Variants in DEUP1 observed in about 807,000 individuals in gnomAD.
The protein encoded by DEUP1 is deuterosome assembly protein 1.
DEUP1 carries 82 observed loss-of-function variants against 87.4 expected under a neutral mutation model. That is an observed-to-expected ratio of 0.94 (90% CI 0.78 to 1.13). The LOEUF (loss-of-function observed/expected upper bound fraction) is 1.13, where lower values mean the gene tolerates loss of function less well. Ranked by LOEUF, DEUP1 falls within the 50% of genes most tolerant of loss-of-function variation. The pLI, the probability that DEUP1 is intolerant of heterozygous loss-of-function variation, is 0.00. For missense variants in DEUP1, 663 were observed against 681.5 expected, an observed-to-expected ratio of 0.97 and a Z score of 0.30; for synonymous variants, 214 against 222.7, an observed-to-expected ratio of 0.96 and a Z score of 0.35.
intron 7 of DEUP1, among the ~76,000 whole-genome samples, chr11:93,374,780 T>A (rs1945947718): frequency 6.6e-6 from 1 of 152,104 alleles, no homozygotes; most frequent in African/African-American, 2.4e-5. Context: ...TGGTTCCATA[T>A]GAATTCTAAG....
At chr11:93,352,865 C>T (rs944107754) in intron 2 of DEUP1, among the ~76,000 whole-genome samples, 4 of 152,166 alleles carry the variant, frequency 2.6e-5, no homozygotes, top group Admixed American at 2.6e-4. Context: ...GTCTCTTCCA[C>T]AACACATGGG....
rs776866620 is a variant in DEUP1, at chr11:93,394,546, C to T, written c.1129C>T (p.Leu377Phe). ...TGAAATCTCTGACCTAACAGAAGAG[C>T]TTCATCAGAAGGAGATCACTATAGC... Reference protein sequence around the residue: ...RNEISDLTEELHQKEITIATV... With the variant: ...RNEISDLTEEFHQKEITIATV... The change falls in exon 10 of 14, where the codon CTT (leucine) becomes TTT (phenylalanine). Residue 377 changes from leucine (L) to phenylalanine (F), a missense_variant. By Grantham distance (22) the Leu-to-Phe change is conservative. Transcript: ENST00000298050. 15 of 1,612,310 alleles carry T rather than the reference C, an allele frequency of 9.3e-6. No individual in the cohort carries two copies. The South Asian group carries it at 1.7e-4, about 18-fold the overall frequency.
At chr11:93,401,407 G>T (rs1256461504) in intron 11 of DEUP1, among the ~76,000 whole-genome samples, 1 of 151,860 alleles carries the variant, frequency 6.6e-6, no homozygotes, top group African/African-American at 2.4e-5. Context: ...CTATCAAAAT[G>T]CCAATGACAT....
chr11:93,372,806 G>T (rs1266553667), intron 7 of DEUP1, among the ~76,000 whole-genome samples: 1 of 152,172 alleles, frequency 6.6e-6, no homozygotes, highest in Non-Finnish European at 1.5e-5. Context: ...AAATAGTCTG[G>T]AAATAGCAAA....
chr11:93,419,438 G>T (rs1324414794), intron 13 of DEUP1, among the ~76,000 whole-genome samples: 1 of 152,128 alleles, frequency 6.6e-6, no homozygotes, highest in East Asian at 1.9e-4. Context: ...AAACCAGGAG[G>T]CAGTCATGGG....
chr11:93,412,239 T>C (rs995413090), intron 12 of DEUP1, among the ~76,000 whole-genome samples: 3 of 152,192 alleles, frequency 2.0e-5, no homozygotes, highest in African/African-American at 7.2e-5. Flanking sequence ...CAGAGTTCTG[T>C]TCCCCAGCAA....
intron 2 of DEUP1, among the ~76,000 whole-genome samples, chr11:93,335,102 G>C (rs1180043409): frequency 6.6e-6 from 1 of 152,182 alleles, no homozygotes; most frequent in African/African-American, 2.4e-5. Context: ...CATAGGGTTA[G>C]TGTTCTCACC....
chr11:93,332,076 G>A (rs1012925693), intron 1 of DEUP1, 140 bp from the exon 2 acceptor site: 2 of 503,298 alleles, frequency 4.0e-6, no homozygotes, highest in Non-Finnish European at 7.1e-6. Flanking sequence ...GAAAACTCAG[G>A]TTTCTATATT....
rs780532701 is a variant in DEUP1 at position 93,371,114 on chromosome 11, G to A, written c.623G>A (p.Arg208His). The A allele has an allele frequency of 3.5e-5, 57 of 1,612,654 alleles. No homozygotes were observed. Among genetic ancestry groups the A allele is most frequent in the East Asian group, 3.3e-4 (15 of 44,828 alleles). Residue 208 changes from arginine (R) to histidine (H), a missense_variant, in exon 7 of 14, where the codon CGT becomes CAT. Transcript: ENST00000298050. ...GAAGACAGCAGCTCTGAAATTCCTC[G>A]TTTGATATGTGACCCAGATCCCAAT... ...CLEDSSSEIPRLICDPDPNCE... is the reference protein window; with the variant it reads ...CLEDSSSEIPHLICDPDPNCE...
chr11:93,415,296 A>G lies in DEUP1; in HGVS notation c.1638+182A>G, dbSNP rs2134447630. On this transcript the variant is annotated intron_variant, in intron 13 of 13. Coordinates refer to ENST00000298050, the MANE Select transcript of DEUP1 (RefSeq NM_181645.4). ...CTATCTACAGAAGGAAAAGATATCC[A>G]TAATATTTCCTAAAGTGTTTCAGTC... is the stretch of plus-strand genomic sequence containing the variant. 2 of 356,106 alleles carry G rather than the reference A, an allele frequency of 5.6e-6. 1 individual carries two copies. Among genetic ancestry groups the G allele is most frequent in the Middle Eastern group, 1.5e-3 (2 of 1,304 alleles). 22.1% of individuals were successfully genotyped at this position (356,106 alleles called of 1,614,324 possible).
At chr11:93,408,702 A>C (rs572807129) in intron 12 of DEUP1, among the ~76,000 whole-genome samples, 13 of 152,338 alleles carry the variant, frequency 8.5e-5, no homozygotes, top group Middle Eastern at 3.4e-3. Context: ...CATACAGATA[A>C]GTAATTTTAC....
At chr11:93,338,917 C>T (rs574284361) in intron 2 of DEUP1, among the ~76,000 whole-genome samples, 1 of 152,218 alleles carries the variant, frequency 6.6e-6, no homozygotes, top group South Asian at 2.1e-4. Flanking sequence ...TTCATAGATA[C>T]ACTTGGGGTA....
chr11:93,373,625 GTATATATATA>G (rs1555048258), intron 7 of DEUP1, among the ~76,000 whole-genome samples: 1 of 67,002 alleles, frequency 1.5e-5, no homozygotes, highest in Non-Finnish European at 3.5e-5. Flanking sequence ...ATATATATAC[GTATATATATA>G]TATATATATA....
At chr11:93,428,637 A>C (rs572673854) in intron 13 of DEUP1, among the ~76,000 whole-genome samples, 10 of 151,844 alleles carry the variant, frequency 6.6e-5, no homozygotes, top group African/African-American at 2.2e-4. Flanking sequence ...AAACCATCAC[A>C]TGTTTTAAGT....
rs1947567539 is a variant in DEUP1, at chr11:93,415,096, T to C, written c.1620T>C (p.Asp540=). The C allele has an allele frequency of 6.2e-7, 1 of 1,610,064 alleles. No individual in the cohort carries two copies. Among genetic ancestry groups the C allele is most frequent in the African/African-American group, 1.3e-5 (1 of 74,842 alleles). Residue 540 remains aspartate (D), a synonymous_variant, in exon 13 of 14, where the codon GAT becomes GAC. Transcript: ENST00000298050. ...AAATGACAAGTCCTTTGGTTAGTGA[T>C]GATGATGTATTCCCACTGGTGAGTT... is the stretch of plus-strand genomic sequence containing the variant. The part of the protein sequence containing the change: ...AKEMTSPLVS[D]DDVFPLSPPD...
Position 93,436,397 on chromosome 11 carries a change from C to A in DEUP1, c.1639-1146C>A, listed in dbSNP as rs115068571. Among the ~76,000 whole-genome samples, 666 of 152,270 alleles carry A rather than the reference C, an allele frequency of 4.4e-3. 3 individuals carry two copies. Among genetic ancestry groups the A allele is most frequent in the African/African-American group, 0.015 (631 of 41,552 alleles). On this transcript the variant is annotated intron_variant, in intron 13 of 13. Transcript: ENST00000298050. The stretch of plus-strand genomic sequence containing the variant: ...CAAAACCATGGATATATATTGTTGG[C>A]CACCACATGTGAATGCTAACTGCTT...
chr11:93,369,221 C>G (rs935600562), intron 5 of DEUP1, among the ~76,000 whole-genome samples: 1 of 152,146 alleles, frequency 6.6e-6, no homozygotes, highest in Non-Finnish European at 1.5e-5. Flanking sequence ...GAGAGCTTCA[C>G]TCTCATGACT....
At chr11:93,384,217 A>C (rs1946430747) in intron 7 of DEUP1, among the ~76,000 whole-genome samples, 1 of 152,114 alleles carries the variant, frequency 6.6e-6, no homozygotes, top group Non-Finnish European at 1.5e-5. Flanking sequence ...ATTGTAAGCC[A>C]TTTAAACTCT....
At chr11:93,362,574 A>G (rs768086282) in intron 4 of DEUP1, among the ~76,000 whole-genome samples, 17 of 151,902 alleles carry the variant, frequency 1.1e-4, no homozygotes, top group South Asian at 2.1e-4. Flanking sequence ...GGATATGGAG[A>G]CATTGTAACC....
Sources: gnomAD v4.1 joint callset for allele counts (sites outside exome capture counted in the v4.1 genomes callset) on GRCh38, gnomAD v4.1.1 for gene constraint, MANE v1.5 for transcripts, NCBI Gene and HGNC (gene_info 2026-07-23, HGNC 2026-07-21) for gene names.